Variants in LRP1B observed in about 807,000 individuals in gnomAD.
LRP1B encodes the protein LDL receptor related protein 1B.
Under a neutral mutation model 556.6 loss-of-function variants are expected in LRP1B, and 217 were observed. That is an observed-to-expected ratio of 0.39 (90% confidence interval 0.35 to 0.44). LRP1B has a LOEUF of 0.44. Among genes scored for constraint, LRP1B ranks in the 20% least tolerant of loss-of-function variants. The probability of loss-of-function intolerance (pLI) is 1.00; values close to 1 mark genes in which losing one functional copy is unlikely to be tolerated. For synonymous variants in LRP1B, 2,047 were observed against 1,865.8 expected (o/e 1.10, Z -2.50); for missense variants, 5,053 against 5,620.8 (o/e 0.90, Z 3.23).
intron 69 of LRP1B, 36 bp from the exon 70 acceptor site, chr2:140,371,321 TA>T: frequency 8.6e-7 from 1 of 1,158,688 alleles, no homozygotes; most frequent in Admixed American, 2.3e-5. Context: ...TGAGATAGAG[TA>T]AAAATAACAG....
chr2:140,756,826 C>A (rs565452248), intron 35 of LRP1B, among the ~76,000 whole-genome samples: 1 of 152,158 alleles, frequency 6.6e-6, no homozygotes, highest in South Asian at 2.1e-4. Flanking sequence ...AATTATACTT[C>A]ATCAAAATTT....
chr2:141,640,734 C>A (rs149215910), intron 2 of LRP1B, among the ~76,000 whole-genome samples: 2 of 151,902 alleles, frequency 1.3e-5, no homozygotes, highest in Non-Finnish European at 2.9e-5. Context: ...GTGGAGGTTG[C>A]AGTGAGCTGA....
Position 140,509,978 on chromosome 2 carries a change from C to G in LRP1B, c.8348G>C (p.Gly2783Ala), listed in dbSNP as rs1264132340. 1 of 1,614,004 alleles carries G rather than the reference C, an allele frequency of 6.2e-7. No individual in the cohort carries two copies. Among genetic ancestry groups the G allele is most frequent in the Admixed American group, 1.7e-5 (1 of 60,022 alleles). The part of the protein sequence containing the change: ...ACVPRHWLCD[G>A]ERDCPDGSDE... ...GCTTCCATCTGGACAGTCCCTTTCA[C>G]CATCACAAAGCCAATGTCGGGGCAC... The change falls in exon 52 of 91, where the codon GGT (glycine) becomes GCT (alanine). Residue 2783 changes from glycine (G) to alanine (A), a missense_variant. Gly to Ala is a moderately conservative substitution (Grantham distance 60, BLOSUM62 0). This residue lies in a region of LRP1B where 3,619 missense variants were observed against 3,931.9 expected (regional missense o/e 0.92). Coordinates refer to ENST00000389484, the MANE Select transcript of LRP1B (RefSeq NM_018557.3).
At chr2:142,092,157 T>C (rs1236969447) in intron 1 of LRP1B, among the ~76,000 whole-genome samples, 2 of 152,352 alleles carry the variant, frequency 1.3e-5, no homozygotes, top group South Asian at 2.1e-4. Flanking sequence ...ATTTTTTCTT[T>C]GCTTATGGCA....
intron 56 of LRP1B, among the ~76,000 whole-genome samples, chr2:140,495,187 A>C (rs1055794034): frequency 1.3e-5 from 2 of 152,120 alleles, no homozygotes. Context: ...GCATATATGT[A>C]TGTATGTATG....
At chr2:140,713,806 T>C (rs1559071497) in intron 37 of LRP1B, among the ~76,000 whole-genome samples, 1 of 152,064 alleles carries the variant, frequency 6.6e-6, no homozygotes, top group South Asian at 2.1e-4. Flanking sequence ...TCATATAATA[T>C]ATACCTACCC....
At chr2:141,180,155 G>T (rs1680927789) in intron 7 of LRP1B, among the ~76,000 whole-genome samples, 1 of 150,822 alleles carries the variant, frequency 6.6e-6, no homozygotes, top group Non-Finnish European at 1.5e-5. Flanking sequence ...GAATGTTCTG[G>T]GTTCTTTGTA....
chr2:142,106,720 T>C (rs1019216170), intron 1 of LRP1B, among the ~76,000 whole-genome samples: 21 of 152,006 alleles, frequency 1.4e-4, no homozygotes, highest in African/African-American at 4.6e-4. Context: ...AAGTCTAGAG[T>C]ATAATAATCA....
chr2:140,536,773 C>A (rs2105004691), intron 45 of LRP1B, 64 bp from the exon 46 acceptor site: 1 of 1,232,894 alleles, frequency 8.1e-7, no homozygotes, highest in Non-Finnish European at 1.1e-6. Context: ...GACACCACTA[C>A]AATTATTTTT....
At chr2:141,037,363 C>A (rs1698563574) in intron 11 of LRP1B, among the ~76,000 whole-genome samples, 1 of 151,992 alleles carries the variant, frequency 6.6e-6, no homozygotes, top group Non-Finnish European at 1.5e-5. Flanking sequence ...TTATGTGAAC[C>A]TCTAAAATAG....
chr2:141,624,899 A>G (rs1267497047), intron 2 of LRP1B, among the ~76,000 whole-genome samples: 3 of 151,892 alleles, frequency 2.0e-5, no homozygotes, highest in East Asian at 3.9e-4. Flanking sequence ...CCTCCCAAGT[A>G]GCTGGGACTA....
chr2:140,402,256 T>C (rs1343970370), intron 66 of LRP1B, among the ~76,000 whole-genome samples: 1 of 152,164 alleles, frequency 6.6e-6, no homozygotes, highest in Admixed American at 6.5e-5. Context: ...GTTGGAAGTT[T>C]CTTGCAGCAG....
chr2:141,174,713 T>C (rs1188870260), intron 7 of LRP1B, among the ~76,000 whole-genome samples: 1 of 152,062 alleles, frequency 6.6e-6, no homozygotes, highest in Non-Finnish European at 1.5e-5. Flanking sequence ...ATTAGGATAT[T>C]GGTACAGGGG....
At chr2:140,627,257 G>T (rs906505932) in intron 41 of LRP1B, among the ~76,000 whole-genome samples, 2 of 152,162 alleles carry the variant, frequency 1.3e-5, no homozygotes, top group African/African-American at 4.8e-5. Flanking sequence ...GGATGTGTCT[G>T]CGAGGGTGTT....
At chr2:140,278,092 C>T (rs759197682) in intron 84 of LRP1B, among the ~76,000 whole-genome samples, 5 of 151,622 alleles carry the variant, frequency 3.3e-5, no homozygotes, top group Non-Finnish European at 7.4e-5. Context: ...GGATGAATCT[C>T]ACAAAAATTG....
intron 49 of LRP1B, among the ~76,000 whole-genome samples, chr2:140,524,128 T>TA (rs57638206): frequency 0.7 from 105,912 of 150,842 alleles, 37,807 homozygotes; most frequent in Middle Eastern, 0.84. Context: ...CAATAAGAAA[T>TA]AAAAAAAACA....
intron 77 of LRP1B, among the ~76,000 whole-genome samples, chr2:140,343,011 T>G (rs183352553): frequency 4.6e-4 from 70 of 151,476 alleles, no homozygotes; most frequent in African/African-American, 1.6e-3. Flanking sequence ...GGAATTTTTT[T>G]TGTGTGTGGG....
chr2:141,875,121 G>A (rs12623036), intron 1 of LRP1B, among the ~76,000 whole-genome samples: 26,691 of 151,294 alleles, frequency 0.18, 2,771 homozygotes, highest in East Asian at 0.35. Context: ...ACAGTGTAAT[G>A]TATACATCAC....
At chr2:141,342,134 C>T (rs979483142) in intron 3 of LRP1B, among the ~76,000 whole-genome samples, 1 of 150,742 alleles carries the variant, frequency 6.6e-6, no homozygotes, top group Non-Finnish European at 1.5e-5. Context: ...GTCCTAGCTA[C>T]TTGGGAGGCT....
Sources: gnomAD v4.1 joint callset for allele counts (sites outside exome capture counted in the v4.1 genomes callset) on GRCh38, gnomAD v4.1.1 for gene constraint, gnomAD v4.1.1 regional missense constraint, MANE v1.5 for transcripts, NCBI Gene and HGNC (gene_info 2026-07-23, HGNC 2026-07-21) for gene names.